The following WNK2 variants were observed in gnomAD, a reference collection of about 807,000 sequenced individuals.
The protein encoded by WNK2 is WNK lysine deficient protein kinase 2.
In WNK2, 67 loss-of-function variants were observed where a neutral mutation model predicts 192.1. That is an observed-to-expected ratio of 0.35 (90% CI 0.29 to 0.43). The LOEUF is 0.43. Ranked by LOEUF, WNK2 falls within the 20% of genes least tolerant of loss-of-function variation. WNK2 has a pLI of 1.00. For missense variants in WNK2, 2,698 were observed against 3,089.7 expected (o/e 0.87, Z 3.01); for synonymous variants, 1,439 against 1,393.9 (o/e 1.03, Z -0.72).
At chr9:93,215,130 A>T (rs1254937332) in intron 2 of WNK2, among the ~76,000 whole-genome samples, 1 of 150,018 alleles carries the variant, frequency 6.7e-6, no homozygotes, top group African/African-American at 2.5e-5. Context: ...ATTTATTATT[A>T]TTATTTTTTG....
At position 93,262,462 on chromosome 9, in the gene WNK2, C is replaced by T. The variant is rs550935446; in HGVS notation, c.3361-208C>T. On this transcript the variant is annotated intron_variant, in intron 13 of 29. Coordinates refer to ENST00000427277, the MANE Select transcript of WNK2 (RefSeq NM_006648.4). ...TTTTATGAATACACTCGGGTCCAAG[C>T]GTTTCAACAAGATAAAAACCTCTAT... Among the ~76,000 whole-genome samples the T allele has an allele frequency of 5.9e-5, 9 of 152,342 alleles. No individual in the cohort carries two copies. In the East Asian group the frequency reaches 1.4e-3, roughly 23 times the overall value.
chr9:93,312,138 A>G (rs1361259652), intron 28 of WNK2, among the ~76,000 whole-genome samples: 1 of 151,894 alleles, frequency 6.6e-6, no homozygotes, highest in African/African-American at 2.4e-5. Context: ...AGTTTTAGGA[A>G]TTTTCTGCAT....
chr9:93,209,697 G>A (rs1476855237), intron 2 of WNK2, among the ~76,000 whole-genome samples: 1 of 152,234 alleles, frequency 6.6e-6, no homozygotes, highest in Non-Finnish European at 1.5e-5. Flanking sequence ...GGACCTCTGA[G>A]CCAGGCCTGC....
Position 93,268,026 on chromosome 9 carries a change from C to G in WNK2, c.3874C>G (p.Arg1292Gly). 6.2e-7 allele frequency: 1 copy of G among 1,611,972 alleles called. No individual in the cohort carries two copies. ...GACCCTCCACCTCATTCAGGAGAGC[C>G]GACAATCCCAAGCCAACGCCCCCGT... is the stretch of plus-strand genomic sequence containing the variant. ...TCGLGTGEES[R>G]QSQANAPVYQ... The change falls in exon 18 of 30, where the codon CGA (arginine) becomes GGA (glycine). Residue 1292 changes from arginine (R) to glycine (G), a missense_variant. This residue lies in a region of WNK2 where 1,098 missense variants were observed against 1,101.0 expected (regional missense o/e 1.00). Transcript: ENST00000427277.
In WNK2 at chr9:93,239,342, C is replaced by T. The variant is rs567031730; in HGVS notation, c.1323-415C>T. ...GGCACTGGGCACAGGGAGCTCAGAG[C>T]GTGGGGGGCTCCGCCTCTGTGTCCA... On this transcript the variant is annotated intron_variant, in intron 6 of 29. Coordinates refer to ENST00000427277, the MANE Select transcript of WNK2 (RefSeq NM_006648.4). The surrounding 1 kb of genome is among the most constrained non-coding windows in gnomAD (Gnocchi z 4.2). Among the ~76,000 whole-genome samples, 10 of 152,302 alleles carry T rather than the reference C, an allele frequency of 6.6e-5. No individual in the cohort carries two copies. The highest frequency in any genetic ancestry group is 1.7e-4 in the African/African-American group (7 of 41,566).
chr9:93,241,549 T>C (rs1236663714), intron 7 of WNK2, among the ~76,000 whole-genome samples: 3 of 151,994 alleles, frequency 2.0e-5, no homozygotes, highest in Non-Finnish European at 4.4e-5. Flanking sequence ...CAGGCCGGGC[T>C]GGGTCTCAGT....
intron 2 of WNK2, among the ~76,000 whole-genome samples, chr9:93,188,088 C>T (rs1016590114): frequency 6.6e-6 from 1 of 152,150 alleles, no homozygotes; most frequent in Admixed American, 6.5e-5. Context: ...ACGCTTTACA[C>T]TGTAGAGGGA....
At position 93,289,478 on chromosome 9, in the gene WNK2, C is replaced by T. The variant is rs1848976884; in HGVS notation, c.4724C>T (p.Pro1575Leu). ...ACCTCCTCAGCCTCAGCTGGGACCC[C>T]TGTGGAGGTGGGCGACAGAGACTTC... ...VPTSSASAGT[P>L]VEVGDRDFTL... The change falls in exon 20 of 30, where the codon CCT becomes CTT. Residue 1575 changes from proline to leucine, a missense_variant. Pro to Leu is a moderately conservative substitution (Grantham distance 98). This residue lies in a region of WNK2 where 1,098 missense variants were observed against 1,101.0 expected (regional missense o/e 1.00). Coordinates refer to ENST00000427277, the MANE Select transcript of WNK2 (RefSeq NM_006648.4). 6.2e-7 allele frequency: 1 copy of T among 1,611,496 alleles called. No individual in the cohort carries two copies. Among genetic ancestry groups the T allele is most frequent in the Non-Finnish European group, 8.5e-7 (1 of 1,178,726 alleles).
chr9:93,305,838 C>T (rs1014601856), intron 26 of WNK2, among the ~76,000 whole-genome samples: 1 of 152,190 alleles, frequency 6.6e-6, no homozygotes, highest in African/African-American at 2.4e-5. Flanking sequence ...GGCAAGGGGC[C>T]GTGGGCTGGA....
chr9:93,279,756 C>A (rs1250213478), intron 19 of WNK2, among the ~76,000 whole-genome samples: 1 of 152,162 alleles, frequency 6.6e-6, no homozygotes, highest in Non-Finnish European at 1.5e-5. Context: ...ACCCACACAA[C>A]CTACAGATGT....
At chr9:93,194,186 AG>A (rs1830830835) in intron 2 of WNK2, among the ~76,000 whole-genome samples, 2 of 152,348 alleles carry the variant, frequency 1.3e-5, no homozygotes, top group South Asian at 4.1e-4. Context: ...CCAAAGGCAC[AG>A]TGCTTGAAAG....
At chr9:93,285,122 GC>G (rs1848263841) in intron 19 of WNK2, among the ~76,000 whole-genome samples, 1 of 152,274 alleles carries the variant, frequency 6.6e-6, no homozygotes, top group African/African-American at 2.4e-5. Context: ...TGACTCAGAA[GC>G]TCTACCTATA....
At chr9:93,274,271 C>T (rs912971607) in intron 19 of WNK2, among the ~76,000 whole-genome samples, 62 of 152,092 alleles carry the variant, frequency 4.1e-4, no homozygotes, top group African/African-American at 1.4e-3. Flanking sequence ...GCCTGTAATC[C>T]CAGCACTTTG....
At chr9:93,318,305 T>C in intron 29 of WNK2, 1 of 1,531,100 alleles carries the variant, frequency 6.5e-7, no homozygotes, top group South Asian at 1.3e-5. Context: ...AAATGCCTTT[T>C]ACAAACATTG....
In WNK2 at chr9:93,256,385, C is replaced by G; in HGVS notation, c.2121C>G (p.Ala707=). ...TCCCGGATCCGGCCATGAGCTTCGC[C>G]CCCGTGCTGCCGCCGCCCAGCACCC... ...QHFPDPAMSF[A]PVLPPPSTPM... is the part of the protein sequence containing the mutation. The change falls in exon 10 of 30, where the codon GCC becomes GCG. Residue 707 remains alanine, a synonymous_variant. Coordinates refer to ENST00000427277, the MANE Select transcript of WNK2 (RefSeq NM_006648.4). The G allele has an allele frequency of 6.4e-7, 1 of 1,559,996 alleles. No homozygotes were observed. Among genetic ancestry groups the G allele is most frequent in the Non-Finnish European group, 8.6e-7 (1 of 1,158,914 alleles).
intron 2 of WNK2, among the ~76,000 whole-genome samples, chr9:93,217,270 A>T (rs1835917971): frequency 6.6e-6 from 1 of 152,166 alleles, no homozygotes; most frequent in South Asian, 2.1e-4. Flanking sequence ...AAAATCTTTT[A>T]AGAAGATACT....
intron 6 of WNK2, among the ~76,000 whole-genome samples, chr9:93,238,633 TG>T (rs1840220531): frequency 6.6e-6 from 1 of 152,244 alleles, no homozygotes; most frequent in African/African-American, 2.4e-5. Flanking sequence ...GGACCCAGCC[TG>T]TAGCATCTGA....
intron 28 of WNK2, among the ~76,000 whole-genome samples, chr9:93,313,755 G>A (rs1854089576): frequency 6.6e-6 from 1 of 152,120 alleles, no homozygotes. Context: ...ATTGATTTGT[G>A]GGAGTTCATC....
intron 16 of WNK2, among the ~76,000 whole-genome samples, 196 bp downstream of exon 16, chr9:93,264,229 G>A (rs1345459896): frequency 6.6e-6 from 1 of 152,192 alleles, no homozygotes; most frequent in East Asian, 1.9e-4. Flanking sequence ...GGGTTTGGAA[G>A]AACAGCTTGA....
Sources: allele counts gnomAD v4.1 joint callset (sites outside exome capture counted in the v4.1 genomes callset), GRCh38; gene constraint gnomAD v4.1.1; regional missense constraint gnomAD v4.1.1; non-coding constraint Gnocchi (gnomAD v3.1); transcripts MANE v1.5; gene names NCBI Gene and HGNC (gene_info 2026-07-23, HGNC 2026-07-21).